SOX6: variants seen among roughly 807,000 people sequenced by gnomAD.
SOX6 encodes SRY-box transcription factor 6.
Under a neutral mutation model 97.8 loss-of-function variants are expected in SOX6, and 11 were observed. The observed-to-expected ratio is 0.11, with a 90% CI of 0.07 to 0.19. The LOEUF is 0.19. Among genes scored for constraint, SOX6 ranks in the 10% least tolerant of loss-of-function variants. The pLI, the probability that SOX6 is intolerant of heterozygous loss-of-function variation, is 1.00. For missense variants in SOX6, 810 were observed against 1,039.5 expected (o/e 0.78, Z 3.04); for synonymous variants, 360 against 371.4 (o/e 0.97, Z 0.35).
intron 4 of SOX6, among the ~76,000 whole-genome samples, chr11:16,226,242 T>C (rs1030228119): frequency 6.6e-6 from 1 of 151,812 alleles, no homozygotes; most frequent in South Asian, 2.1e-4. Flanking sequence ...AATGTAAATA[T>C]TGAAATAATT....
At chr11:16,584,896 T>A (rs1444220062) in intron 4 of SOX6, among the ~76,000 whole-genome samples, 1 of 152,182 alleles carries the variant, frequency 6.6e-6, no homozygotes, top group East Asian at 1.9e-4. Flanking sequence ...AAGCATCCTG[T>A]TTGTTTGCTA....
At chr11:16,374,916 T>C (rs1053312717) in intron 1 of SOX6, among the ~76,000 whole-genome samples, 1 of 152,062 alleles carries the variant, frequency 6.6e-6, no homozygotes, top group Non-Finnish European at 1.5e-5. Context: ...ATTTTTGTTA[T>C]TATTGACATT....
chr11:16,350,494 T>C (rs1856913672), intron 1 of SOX6, among the ~76,000 whole-genome samples: 1 of 152,220 alleles, frequency 6.6e-6, no homozygotes, highest in South Asian at 2.1e-4. Flanking sequence ...AGACACTTCT[T>C]ATAAGCTCAG....
intron 4 of SOX6, among the ~76,000 whole-genome samples, chr11:16,608,154 G>A (rs1233973480): frequency 6.6e-6 from 1 of 152,104 alleles, no homozygotes; most frequent in Admixed American, 6.5e-5. Flanking sequence ...GGCTAGGGCT[G>A]CTGGGAGGAG....
intron 13 of SOX6, among the ~76,000 whole-genome samples, chr11:16,014,493 C>T (rs1013912167): frequency 1.3e-5 from 2 of 152,034 alleles, no homozygotes; most frequent in African/African-American, 2.4e-5. Flanking sequence ...TTTGATCATT[C>T]CACAATGTAT....
At chr11:16,615,896 A>G (rs972123640) in intron 3 of SOX6, among the ~76,000 whole-genome samples, 4 of 152,214 alleles carry the variant, frequency 2.6e-5, no homozygotes, top group Admixed American at 6.5e-5. Flanking sequence ...AAAGTTATCT[A>G]AATAATTACA....
intron 6 of SOX6, among the ~76,000 whole-genome samples, chr11:16,163,937 G>C (rs1362226412): frequency 1.3e-5 from 2 of 152,126 alleles, no homozygotes; most frequent in African/African-American, 4.8e-5. Context: ...AAAGAGACAG[G>C]TTGCGAGACA....
At chr11:16,202,391 A>G (rs1851965178) in intron 4 of SOX6, among the ~76,000 whole-genome samples, 2 of 152,184 alleles carry the variant, frequency 1.3e-5, no homozygotes, top group Admixed American at 1.3e-4. Context: ...TTTAAGCAGA[A>G]AACTCAACCA....
intron 3 of SOX6, among the ~76,000 whole-genome samples, chr11:16,621,910 C>G (rs1470167556): frequency 6.6e-6 from 1 of 152,160 alleles, no homozygotes; most frequent in Non-Finnish European, 1.5e-5. Context: ...GACCTGCTGT[C>G]AAGTTATCTG....
rs576579529 is a variant in SOX6 at position 16,351,643 on chromosome 11, G to T, written c.-5+4451C>A. On this transcript the variant is annotated intron_variant, in intron 1 of 15. Coordinates refer to ENST00000683767, the MANE Select transcript of SOX6 (RefSeq NM_001367873.1). ...CTTCACCAGTCAAACTTCACTTATT[G>T]TTGCCTCCTAGCCTTTGCTCTGCCT... Among the ~76,000 whole-genome samples, 27 of 152,086 alleles carry T rather than the reference G, an allele frequency of 1.8e-4. No individual in the cohort carries two copies. The South Asian group carries it at 3.9e-3, about 22-fold the overall frequency.
chr11:16,398,793 A>G (rs1162457158), intron 1 of SOX6, among the ~76,000 whole-genome samples: 1 of 139,892 alleles, frequency 7.1e-6, no homozygotes, highest in Non-Finnish European at 1.5e-5. Context: ...TCATAACCAG[A>G]ATTAAGGAAA....
At chr11:16,275,729 A>G (rs1177230361) in intron 3 of SOX6, among the ~76,000 whole-genome samples, 1 of 152,202 alleles carries the variant, frequency 6.6e-6, no homozygotes, top group African/African-American at 2.4e-5. Flanking sequence ...CAACTTACAC[A>G]TAGAAACCAT....
chr11:16,393,216 T>C (rs1858237322), intron 1 of SOX6, among the ~76,000 whole-genome samples: 1 of 152,024 alleles, frequency 6.6e-6, no homozygotes, highest in Non-Finnish European at 1.5e-5. Context: ...TTTTTCAGAA[T>C]AAACATGCTT....
chr11:16,190,771 GA>G (rs1162173760), intron 4 of SOX6, among the ~76,000 whole-genome samples: 7 of 152,136 alleles, frequency 4.6e-5, no homozygotes. Context: ...AAAATGTGCA[GA>G]TTAATTTGTG....
At chr11:16,329,594 T>C (rs891562534) in intron 2 of SOX6, among the ~76,000 whole-genome samples, 3 of 152,178 alleles carry the variant, frequency 2.0e-5, no homozygotes, top group Admixed American at 6.5e-5. Context: ...AGTTAACTTC[T>C]TTTCACCTTA....
At chr11:16,239,552 C>A (rs17539593) in intron 3 of SOX6, among the ~76,000 whole-genome samples, 8,721 of 152,124 alleles carry the variant, frequency 0.057, 305 homozygotes, top group Non-Finnish European at 0.08. Context: ...TATTACTGAT[C>A]TTTTTTGATC....
chr11:15,979,882 C>T (rs1480052585), intron 15 of SOX6, among the ~76,000 whole-genome samples: 1 of 152,006 alleles, frequency 6.6e-6, no homozygotes, highest in African/African-American at 2.4e-5. Context: ...TCTAAGGCAC[C>T]TCTCACTATT....
chr11:16,380,233 A>T (rs1857771091), intron 1 of SOX6, among the ~76,000 whole-genome samples: 1 of 152,086 alleles, frequency 6.6e-6, no homozygotes, highest in Non-Finnish European at 1.5e-5. Flanking sequence ...ATCTGATGCC[A>T]TAGGGAAATG....
At chr11:16,705,257 CAAAAAAGAAAAA>C (rs1848123243) in intron 3 of SOX6, among the ~76,000 whole-genome samples, 1 of 146,664 alleles carries the variant, frequency 6.8e-6, no homozygotes, top group African/African-American at 2.5e-5. Context: ...GACTCTGTCT[CAAAAAAGAAAAA>C]AAAAAAGAAA....
Sources: allele counts gnomAD v4.1 joint callset (sites outside exome capture counted in the v4.1 genomes callset), GRCh38; gene constraint gnomAD v4.1.1; transcripts MANE v1.5; gene names NCBI Gene and HGNC (gene_info 2026-07-23, HGNC 2026-07-21).